Variants in FEM1C observed in about 807,000 individuals in gnomAD.
FEM1C encodes the protein protein fem-1 homolog C.
A neutral mutation model predicts 37.6 loss-of-function variants in FEM1C; 15 were observed. The observed-to-expected ratio is 0.40, with a 90% CI of 0.27 to 0.61. The LOEUF is 0.61. Among genes scored for constraint, FEM1C ranks in the 20% least tolerant of loss-of-function variants. The pLI is 0.42. For synonymous variants in FEM1C, 287 were observed against 272.8 expected (o/e 1.05, Z -0.51); for missense variants, 532 against 749.7 (o/e 0.71, Z 3.39).
intron 2 of FEM1C, among the ~76,000 whole-genome samples, chr5:115,539,481 C>T (rs986647409): frequency 3.9e-5 from 6 of 152,010 alleles, no homozygotes; most frequent in Admixed American, 1.3e-4. Context: ...AACCAACTCC[C>T]GTCTCAAAAC....
In FEM1C at chr5:115,523,895, A is replaced by G; in HGVS notation, c.*413T>C. On this transcript the variant is annotated 3_prime_UTR_variant, in exon 3 of 3. Coordinates refer to ENST00000274457, the MANE Select transcript of FEM1C (RefSeq NM_020177.3). ...GTAGAAATGGTTAGGACAAACAATA[A>G]AGTAGAAACAGGGGGGAAACTTGAG... The G allele has an allele frequency of 5.5e-6, 1 of 181,724 alleles. No individual in the cohort carries two copies. The highest frequency in any genetic ancestry group is 1.1e-4 in the South Asian group (1 of 9,094). The allele number at this position is 181,724 out of a possible 1,614,324, so 11.3% of individuals were successfully genotyped here.
intron 2 of FEM1C, among the ~76,000 whole-genome samples, chr5:115,528,290 A>C (rs143665793): frequency 2.0e-5 from 3 of 152,248 alleles, no homozygotes; most frequent in African/African-American, 7.2e-5. Context: ...AGGAGAAGAA[A>C]AAACTAGAGA....
intron 2 of FEM1C, among the ~76,000 whole-genome samples, chr5:115,541,634 A>G (rs1329471367): frequency 6.6e-6 from 1 of 152,188 alleles, no homozygotes. Context: ...TTATATTAGC[A>G]AAGTACTGGA....
intron 2 of FEM1C, among the ~76,000 whole-genome samples, chr5:115,530,848 T>C (rs1754000253): frequency 6.6e-6 from 1 of 151,074 alleles, no homozygotes. Flanking sequence ...ATAAATTAGA[T>C]AAAAAGAAAG....
Position 115,524,566 on chromosome 5 carries a change from C to T in FEM1C, c.1596G>A (p.Leu532=), listed in dbSNP as rs1416332011. ...NVRDSDDNSP[L]HIAALNNHPD... ...GATGGTTGTTAAGAGCAGCGATATGCAGGGGACTGTTGTCATCCGAGTCTC... is the reference window on the plus strand; with the variant it reads ...GATGGTTGTTAAGAGCAGCGATATGTAGGGGACTGTTGTCATCCGAGTCTC... Residue 532 remains leucine (L), a synonymous_variant, in exon 3 of 3, where the codon CTG becomes CTA. Transcript: ENST00000274457. 1 of 1,613,236 alleles carries T rather than the reference C, an allele frequency of 6.2e-7. No individual in the cohort carries two copies. Among genetic ancestry groups the T allele is most frequent in the African/African-American group, 1.3e-5 (1 of 74,882 alleles).
chr5:115,523,007 G>C lies in FEM1C; in HGVS notation c.*1301C>G, dbSNP rs1265125354. ...AGTGAGAGAAAGAAAGGAAGAAAGA[G>C]AAAAGAAAAAGCTAACTTCCAGTAA... On this transcript the variant is annotated 3_prime_UTR_variant, in exon 3 of 3. Transcript: ENST00000274457. The C allele has an allele frequency of 1.3e-5, 2 of 152,234 alleles. No individual in the cohort carries two copies. Among genetic ancestry groups the C allele is most frequent in the African/African-American group, 2.4e-5 (1 of 41,382 alleles). The allele number at this position is 152,234 out of a possible 1,614,324, so 9.4% of individuals were successfully genotyped here. A position where few individuals can be genotyped will look rare whatever the true frequency, so the allele number is the denominator to read the frequency against.
intron 2 of FEM1C, among the ~76,000 whole-genome samples, chr5:115,541,996 T>C (rs1207637747): frequency 2.6e-5 from 4 of 152,304 alleles, no homozygotes; most frequent in Admixed American, 1.3e-4. Flanking sequence ...TTTACACTGT[T>C]TGATTTTTTT....
At position 115,527,508 on chromosome 5, in the gene FEM1C, C is replaced by T. The variant is rs931828016; in HGVS notation, c.545-1891G>A. Among the ~76,000 whole-genome samples the T allele has an allele frequency of 5.3e-5, 8 of 152,066 alleles. No homozygotes were observed. The East Asian group carries it at 1.3e-3, about 26-fold the overall frequency. Reference sequence around the variant, plus strand: ...GAAAGAGCCCAGAACTTCTGACTATCGATGTTCATTTGTTTAAAATAATTT... The same window carrying T: ...GAAAGAGCCCAGAACTTCTGACTATTGATGTTCATTTGTTTAAAATAATTT... On this transcript the variant is annotated intron_variant, in intron 2 of 2. Coordinates refer to ENST00000274457, the MANE Select transcript of FEM1C (RefSeq NM_020177.3).
chr5:115,542,879 C>T, intron 2 of FEM1C, 71 bp downstream of exon 2: 11 of 1,540,540 alleles, frequency 7.1e-6, no homozygotes, highest in Non-Finnish European at 9.6e-6. Flanking sequence ...AACACCAGTG[C>T]TTATAATGAT....
rs1052611410 is a variant in FEM1C at position 115,524,027 on chromosome 5, C to A, written c.*281G>T. ...AATGGTTAACTCTGCCCCAAACACC[C>A]AACAGCAAACAAAACCAGAATGAAT... is the stretch of plus-strand genomic sequence containing the variant. On this transcript the variant is annotated 3_prime_UTR_variant, in exon 3 of 3. Coordinates refer to ENST00000274457, the MANE Select transcript of FEM1C (RefSeq NM_020177.3). The A allele has an allele frequency of 5.0e-5, 16 of 322,066 alleles. No homozygotes were observed. The highest frequency in any genetic ancestry group is 2.6e-4 in the African/African-American group (12 of 45,490). The allele number at this position is 322,066 out of a possible 1,614,324, so 20.0% of individuals were successfully genotyped here.
chr5:115,528,621 A>G (rs1267789204), intron 2 of FEM1C, among the ~76,000 whole-genome samples: 2 of 152,174 alleles, frequency 1.3e-5, no homozygotes, highest in Admixed American at 6.5e-5. Context: ...AAGCAAATAT[A>G]AATACTATTT....
At position 115,543,666 on chromosome 5, in the gene FEM1C, G is replaced by A; in HGVS notation, c.-173C>T. On this transcript the variant is annotated 5_prime_UTR_variant, in exon 2 of 3. Transcript: ENST00000274457. ...TCCGTCCTACTGCTTTCCAACATCT[G>A]ACAACCAGGGCACCAAACTAGAGAA... is the stretch of plus-strand genomic sequence containing the variant. The A allele has an allele frequency of 7.4e-7, 1 of 1,356,600 alleles. No individual in the cohort carries two copies. Among genetic ancestry groups the A allele is most frequent in the South Asian group, 2.0e-5 (1 of 50,890 alleles). 84.0% of individuals were successfully genotyped at this position (1,356,600 alleles called of 1,614,324 possible).
intron 2 of FEM1C, among the ~76,000 whole-genome samples, chr5:115,528,930 T>A (rs1415621436): frequency 6.6e-6 from 1 of 152,088 alleles, no homozygotes; most frequent in Non-Finnish European, 1.5e-5. Flanking sequence ...TGAGTGGCTT[T>A]AAAAGTGGAT....
rs201184590 is a variant in FEM1C, at chr5:115,522,928, TGTGA to T, written c.*1376_*1379del. On this transcript the variant is annotated 3_prime_UTR_variant, in exon 3 of 3. Transcript: ENST00000274457. ...GCCCTTTCTGTGGCATTAGCAAATCTGTGAGTGAGTGAGTGAGAGAGAGAGAGAG... is the reference window on the plus strand; with the variant it reads ...GCCCTTTCTGTGGCATTAGCAAATCTGTGAGTGAGTGAGAGAGAGAGAGAG... The T allele has an allele frequency of 0.011, 1,598 of 151,608 alleles. 14 individuals carry two copies. Among genetic ancestry groups the T allele is most frequent in the East Asian group, 0.025 (128 of 5,140 alleles). 9.4% of individuals were successfully genotyped at this position (151,608 alleles called of 1,614,324 possible). A position where few individuals can be genotyped will look rare whatever the true frequency, so the allele number is the denominator to read the frequency against.
chr5:115,533,030 T>A (rs544440852), intron 2 of FEM1C, among the ~76,000 whole-genome samples: 171 of 152,124 alleles, frequency 1.1e-3, no homozygotes, highest in South Asian at 3.7e-3. Flanking sequence ...TGAATTTTAT[T>A]GCATGTAAAT....
Position 115,524,720 on chromosome 5 carries a change from T to C in FEM1C, c.1442A>G (p.Asn481Ser). 2 of 1,542,026 alleles carry C rather than the reference T, an allele frequency of 1.3e-6. No homozygotes were observed. Among genetic ancestry groups the C allele is most frequent in the South Asian group, 2.6e-5 (2 of 77,058 alleles). The change falls in exon 3 of 3, where the codon AAT becomes AGT. Residue 481 changes from asparagine to serine, a missense_variant. By Grantham distance (46) the Asn-to-Ser change is conservative (BLOSUM62 1). This residue lies in a region of FEM1C where 237 missense variants were observed against 260.5 expected (regional missense o/e 0.91). Coordinates refer to ENST00000274457, the MANE Select transcript of FEM1C (RefSeq NM_020177.3). ...AGCCAGATGAAGAGGGCTGAAGTTA[T>C]TCTTTCCCCTTGGATGCAGCTTAAG... is the stretch of plus-strand genomic sequence containing the variant. Reference protein sequence around the residue: ...RFLKLHPRGKNNFSPLHLAVD... With the variant: ...RFLKLHPRGKSNFSPLHLAVD...
chr5:115,532,667 C>A (rs1216160570), intron 2 of FEM1C, among the ~76,000 whole-genome samples: 1 of 152,014 alleles, frequency 6.6e-6, no homozygotes, highest in East Asian at 1.9e-4. Flanking sequence ...TTTTCACCTA[C>A]ATCTTGGGCA....
At position 115,524,708 on chromosome 5, in the gene FEM1C, G is replaced by A; in HGVS notation, c.1454C>T (p.Pro485Leu). Residue 485 changes from proline (P) to leucine (L), a missense_variant, in exon 3 of 3, where the codon CCT becomes CTT. Pro to Leu is a moderately conservative substitution (Grantham distance 98, BLOSUM62 -3). Transcript: ENST00000274457. Reference sequence around the variant, plus strand: ...ATTCTTGTCCACAGCCAGATGAAGAGGGCTGAAGTTATTCTTTCCCCTTGG... The same window carrying A: ...ATTCTTGTCCACAGCCAGATGAAGAAGGCTGAAGTTATTCTTTCCCCTTGG... ...LHPRGKNNFSPLHLAVDKNTT... is the reference protein window; with the variant it reads ...LHPRGKNNFSLLHLAVDKNTT... 6.5e-7 allele frequency: 1 copy of A among 1,542,506 alleles called. No individual in the cohort carries two copies. Among genetic ancestry groups the A allele is most frequent in the Non-Finnish European group, 8.7e-7 (1 of 1,149,316 alleles).
chr5:115,521,179 T>C lies in FEM1C; in HGVS notation c.*3129A>G, dbSNP rs1753766234. On this transcript the variant is annotated 3_prime_UTR_variant, in exon 3 of 3. Transcript: ENST00000274457. ...AAATGGTTAAAGTTCTAGGCAATAA[T>C]GCTGCTGTTACAGTGTAAAAGAGTA... 6.6e-6 allele frequency: 1 copy of C among 151,646 alleles called. No individual in the cohort carries two copies. Among genetic ancestry groups the C allele is most frequent in the African/African-American group, 2.4e-5 (1 of 41,352 alleles). 9.4% of individuals were successfully genotyped at this position (151,646 alleles called of 1,614,324 possible).
Sources: gnomAD v4.1 joint callset for allele counts (sites outside exome capture counted in the v4.1 genomes callset) on GRCh38, gnomAD v4.1.1 for gene constraint, gnomAD v4.1.1 regional missense constraint, MANE v1.5 for transcripts, NCBI Gene and HGNC (gene_info 2026-07-23, HGNC 2026-07-21) for gene names.